The following SDCCAG8 variants were observed in gnomAD, a reference collection of about 807,000 sequenced individuals.
The protein encoded by SDCCAG8 is serologically defined colon cancer antigen 8.
SDCCAG8 carries 74 observed loss-of-function variants against 101.8 expected under a neutral mutation model. The ratio of observed to expected loss-of-function variants is 0.73; its 90% CI spans 0.60 to 0.88. The LOEUF (loss-of-function observed/expected upper bound fraction) is 0.88, where lower values mean the gene tolerates loss of function less well. Ranked by LOEUF, SDCCAG8 falls within the 40% of genes least tolerant of loss-of-function variation. The probability of loss-of-function intolerance (pLI) is 0.00; values close to 1 mark genes in which losing one functional copy is unlikely to be tolerated. For missense variants in SDCCAG8, 787 were observed against 822.6 expected (o/e 0.96, Z 0.53); for synonymous variants, 281 against 292.9 (o/e 0.96, Z 0.41).
At chr1:243,366,597 G>A (rs182525050) in intron 12 of SDCCAG8, among the ~76,000 whole-genome samples, 5 of 152,006 alleles carry the variant, frequency 3.3e-5, no homozygotes, top group East Asian at 1.9e-4. Context: ...ATTTCCTGCT[G>A]TAAATTTTTA....
intron 12 of SDCCAG8, among the ~76,000 whole-genome samples, chr1:243,360,486 C>T (rs2076643087): frequency 6.6e-6 from 1 of 151,994 alleles, no homozygotes; most frequent in Admixed American, 6.6e-5. Flanking sequence ...CCCTGCTTCT[C>T]CTCATCTAGC....
intron 12 of SDCCAG8, among the ~76,000 whole-genome samples, chr1:243,355,832 A>G (rs922363081): frequency 6.0e-5 from 9 of 151,126 alleles, no homozygotes; most frequent in Admixed American, 4.0e-4. Context: ...CTGGTTTTGA[A>G]CTCCTGAGCT....
chr1:243,318,543 A>G, intron 9 of SDCCAG8: 1 of 985,358 alleles, frequency 1.0e-6, no homozygotes, highest in South Asian at 4.7e-5. Flanking sequence ...TCAATTCTGC[A>G]TTAAGCCTCT....
intron 1 of SDCCAG8, among the ~76,000 whole-genome samples, chr1:243,264,077 C>G (rs1193396279): frequency 6.6e-6 from 1 of 152,218 alleles, no homozygotes; most frequent in East Asian, 1.9e-4. Context: ...TGCATATTCT[C>G]TCAGAGACAG....
chr1:243,301,739 A>G (rs1365925157), intron 6 of SDCCAG8, among the ~76,000 whole-genome samples: 2 of 152,164 alleles, frequency 1.3e-5, no homozygotes, highest in Non-Finnish European at 1.5e-5. Context: ...GCATACCTGT[A>G]GACTCTAATA....
At chr1:243,392,564 G>A (rs2078765739) in intron 13 of SDCCAG8, among the ~76,000 whole-genome samples, 1 of 152,174 alleles carries the variant, frequency 6.6e-6, no homozygotes, top group Admixed American at 6.5e-5. Flanking sequence ...TTGGTTTGAG[G>A]AAAGATGATA....
chr1:243,348,131 G>A (rs975497161), intron 12 of SDCCAG8, among the ~76,000 whole-genome samples: 1 of 148,832 alleles, frequency 6.7e-6, no homozygotes, highest in East Asian at 2.0e-4. Flanking sequence ...CGCCTCCCGG[G>A]TTCATGCCAT....
At position 243,416,863 on chromosome 1, in the gene SDCCAG8, T is replaced by C. The variant is rs572115039; in HGVS notation, c.1744+1034T>C. ...AAAAATGTTGCTTAATTTTAGTGCCTTGATTTATTTTGATTTGTATGCTAT... is the reference window on the plus strand; with the variant it reads ...AAAAATGTTGCTTAATTTTAGTGCCCTGATTTATTTTGATTTGTATGCTAT... On this transcript the variant is annotated intron_variant, in intron 14 of 17. Coordinates refer to ENST00000366541, the MANE Select transcript of SDCCAG8 (RefSeq NM_006642.5). The surrounding 1 kb of genome is among the most constrained non-coding windows in gnomAD (Gnocchi z 4.3). 1.6e-4 allele frequency among the ~76,000 whole-genome samples: 25 copies of C among 151,896 alleles called. No homozygotes were observed. Among genetic ancestry groups the C allele is most frequent in the African/African-American group, 6.0e-4 (25 of 41,526 alleles).
At chr1:243,459,765 C>T (rs1658677522) in intron 16 of SDCCAG8, among the ~76,000 whole-genome samples, 1 of 152,118 alleles carries the variant, frequency 6.6e-6, no homozygotes, top group South Asian at 2.1e-4. Flanking sequence ...CCAACACCCT[C>T]AGCTGATATT....
chr1:243,447,398 C>T (rs1190320432), intron 16 of SDCCAG8, among the ~76,000 whole-genome samples: 1 of 151,840 alleles, frequency 6.6e-6, no homozygotes, highest in Non-Finnish European at 1.5e-5. Context: ...ATAATCCTTC[C>T]ACTTTTCCTT....
rs59173777 is a variant in SDCCAG8, at chr1:243,469,997, C to CAAA, written c.1986-19007_1986-19005dup. Among the ~76,000 whole-genome samples the CAAA allele has an allele frequency of 1.5e-4, 21 of 141,800 alleles. No homozygotes were observed. In the South Asian group the frequency reaches 3.8e-3, roughly 26 times the overall value. 93.0% of individuals were successfully genotyped at this position (141,800 alleles called of 152,430 possible). On this transcript the variant is annotated intron_variant, in intron 16 of 17. Transcript: ENST00000366541. The stretch of plus-strand genomic sequence containing the variant: ...TCCCCTTTCCACCCTTCTTTGTTAC[C>CAAA]AAAAAAAAAAAAGTATAGCAACAGT...
At chr1:243,378,569 T>C in intron 12 of SDCCAG8, 152 bp from the exon 13 acceptor site, 1 of 755,548 alleles carries the variant, frequency 1.3e-6, no homozygotes, top group South Asian at 1.8e-5. Context: ...TTGGATGTGC[T>C]AATTCCTTTT....
At chr1:243,292,071 A>G (rs761818519) in intron 5 of SDCCAG8, among the ~76,000 whole-genome samples, 1 of 152,244 alleles carries the variant, frequency 6.6e-6, no homozygotes, top group Non-Finnish European at 1.5e-5. Context: ...GGTCCCAAGT[A>G]GAAGAGCTTC....
At chr1:243,492,255 G>C (rs1666635057) in intron 17 of SDCCAG8, among the ~76,000 whole-genome samples, 1 of 149,458 alleles carries the variant, frequency 6.7e-6, no homozygotes, top group Non-Finnish European at 1.5e-5. Context: ...CGGTGGGCAG[G>C]ACTCAGGGCA....
chr1:243,276,980 C>T (rs1254405095), intron 4 of SDCCAG8, among the ~76,000 whole-genome samples: 2 of 152,056 alleles, frequency 1.3e-5, no homozygotes, highest in African/African-American at 4.8e-5. Flanking sequence ...AACTTGATAG[C>T]TCATTTCTTT....
At chr1:243,388,920 C>T (rs2078507468) in intron 13 of SDCCAG8, among the ~76,000 whole-genome samples, 1 of 147,724 alleles carries the variant, frequency 6.8e-6, no homozygotes, top group African/African-American at 2.5e-5. Flanking sequence ...GTGCCTGAGT[C>T]CTGGCTATTT....
intron 5 of SDCCAG8, among the ~76,000 whole-genome samples, chr1:243,288,314 T>TA (rs936817854): frequency 6.4e-4 from 95 of 148,340 alleles, no homozygotes; most frequent in African/African-American, 2.1e-3. Context: ...TCTCTAAAAA[T>TA]AAAAAAAAAA....
Position 243,337,568 on chromosome 1 carries a change from C to T in SDCCAG8, c.1222-3471C>T, listed in dbSNP as rs2075096129. ...TGAATCCAGCTTGACCTTTCTGTGA[C>T]CTTGAACAATTCACTTAACCTCTCT... On this transcript the variant is annotated intron_variant, in intron 10 of 17. Transcript: ENST00000366541. Among the ~76,000 whole-genome samples, 3 of 152,130 alleles carry T rather than the reference C, an allele frequency of 2.0e-5. No homozygotes were observed. In the South Asian group the frequency reaches 6.2e-4, roughly 31 times the overall value.
At chr1:243,463,550 C>A (rs1262220459) in intron 16 of SDCCAG8, among the ~76,000 whole-genome samples, 1 of 152,166 alleles carries the variant, frequency 6.6e-6, no homozygotes, top group Non-Finnish European at 1.5e-5. Flanking sequence ...CCAAGACCAG[C>A]CTGATGGAAA....
Sources: allele counts gnomAD v4.1 joint callset (sites outside exome capture counted in the v4.1 genomes callset), GRCh38; gene constraint gnomAD v4.1.1; non-coding constraint Gnocchi (gnomAD v3.1); transcripts MANE v1.5; gene names NCBI Gene and HGNC (gene_info 2026-07-23, HGNC 2026-07-21).